The following CNGA4 variants were observed in gnomAD, a reference collection of about 807,000 sequenced individuals.
CNGA4 encodes cyclic nucleotide-gated channel alpha-4.
Under a neutral mutation model 45.6 loss-of-function variants are expected in CNGA4, and 32 were observed. The ratio of observed to expected loss-of-function variants is 0.70; its 90% CI spans 0.53 to 0.94. CNGA4 has a LOEUF of 0.94. CNGA4 is among the 40% of genes least tolerant of loss of function. The pLI is 0.00. For synonymous variants in CNGA4, 293 were observed against 304.6 expected (o/e 0.96, Z 0.40); for missense variants, 726 against 755.1 (o/e 0.96, Z 0.45).
Position 6,239,279 on chromosome 11 carries a change from C to T in CNGA4, c.62+11C>T, listed in dbSNP as rs757641347. The T allele has an allele frequency of 6.2e-7, 1 of 1,614,104 alleles. No homozygotes were observed. Among genetic ancestry groups the T allele is most frequent in the African/African-American group, 1.3e-5 (1 of 75,054 alleles). ...CCCATCCAAGGCCAGGTGAGAAGTC[C>T]TGGTCCCTTGTGTGGGATCTCTCCT... On this transcript the variant is annotated intron_variant, in intron 1 of 5. Coordinates refer to ENST00000379936, the MANE Select transcript of CNGA4 (RefSeq NM_001037329.4).
chr11:6,241,857 A>G (rs1455656496), intron 5 of CNGA4, 77 bp downstream of exon 5: 1 of 1,332,046 alleles, frequency 7.5e-7, no homozygotes, highest in Admixed American at 1.8e-5. Flanking sequence ...TGCTGGGACC[A>G]GATAGTACTT....
chr11:6,239,198 C>A lies in CNGA4; in HGVS notation c.-9C>A. The A allele has an allele frequency of 6.2e-7, 1 of 1,613,298 alleles. No individual in the cohort carries two copies. Among genetic ancestry groups the A allele is most frequent in the South Asian group, 1.1e-5 (1 of 91,050 alleles). ...GACATCTCACACCCCAGCACCAGAC[C>A]ACAGAACCATGAGCCAGGACACCAA... is the stretch of plus-strand genomic sequence containing the variant. On this transcript the variant is annotated 5_prime_UTR_variant, in exon 1 of 6. Coordinates refer to ENST00000379936, the MANE Select transcript of CNGA4 (RefSeq NM_001037329.4).
At position 6,241,731 on chromosome 11, in the gene CNGA4, G is replaced by A. The variant is rs1313575100; in HGVS notation, c.1218G>A (p.Val406=). ...ATGATGGTATCACACAGTATGCTGT[G>A]CTCGGTGCAGGGCTCTACTTTGGGG... The part of the protein sequence containing the change: ...VADDGITQYA[V]LGAGLYFGEI... The change falls in exon 5 of 6, where the codon GTG becomes GTA. Residue 406 remains valine (V), a synonymous_variant. Transcript: ENST00000379936. 3 of 1,614,226 alleles carry A rather than the reference G, an allele frequency of 1.9e-6. No individual in the cohort carries two copies. The highest frequency in any genetic ancestry group is 2.5e-6 in the Non-Finnish European group (3 of 1,180,040).
At position 6,244,303 on chromosome 11, in the gene CNGA4, T is replaced by G. The variant is rs61746457; in HGVS notation, c.1622T>G (p.Met541Arg). 7.4e-3 allele frequency: 11,923 copies of G among 1,614,100 alleles called. 131 individuals carry two copies. The highest frequency in any genetic ancestry group is 0.05 in the African/African-American group (3,743 of 75,000). Reference sequence around the variant, plus strand: ...GAGTGGCAGACTCGAGAGTGGCCAATGCCCGAGGACCTGGCTGAGGCTGAT... The same window carrying G: ...GAGTGGCAGACTCGAGAGTGGCCAAGGCCCGAGGACCTGGCTGAGGCTGAT... ...RLEWQTREWPMPEDLAEADDE... is the reference protein window; with the variant it reads ...RLEWQTREWPRPEDLAEADDE... Residue 541 changes from methionine to arginine, a missense_variant, in exon 6 of 6, where the codon ATG (methionine) becomes AGG (arginine). Transcript: ENST00000379936. The surrounding 1 kb of genome is among the most constrained non-coding windows in gnomAD (Gnocchi z 4.5).
intron 5 of CNGA4, among the ~76,000 whole-genome samples, chr11:6,242,881 C>A (rs756308451): frequency 2.6e-5 from 4 of 152,134 alleles, no homozygotes. Context: ...CATTCTCCAC[C>A]AACATCTTTC....
chr11:6,239,609 G>T (rs143078699), intron 2 of CNGA4, 75 bp from the exon 3 acceptor site: 47 of 1,561,982 alleles, frequency 3.0e-5, no homozygotes, highest in Non-Finnish European at 3.9e-5. Context: ...TGAGGCAGAG[G>T]GTTAAGGGCC....
At chr11:6,235,160 C>A (rs1332202850), upstream of CNGA4, among the ~76,000 whole-genome samples, 1 of 152,062 alleles carries the variant, frequency 6.6e-6, no homozygotes, top group Non-Finnish European at 1.5e-5. Flanking sequence ...GAGGAGGAAT[C>A]AGTAGGTGGG....
At chr11:6,237,584 TAGAC>T (rs1847855097), upstream of CNGA4, among the ~76,000 whole-genome samples, 1 of 150,970 alleles carries the variant, frequency 6.6e-6, no homozygotes, top group Non-Finnish European at 1.5e-5. Context: ...ATAGAAGGAA[TAGAC>T]AGAGGAGCTT....
upstream of CNGA4, among the ~76,000 whole-genome samples, chr11:6,237,082 C>T (rs1159982141): frequency 6.6e-6 from 1 of 152,160 alleles, no homozygotes; most frequent in East Asian, 1.9e-4. Context: ...CAAGAGGGAA[C>T]ATTCTGAGAG....
chr11:6,236,415 C>T (rs1020685179), upstream of CNGA4, among the ~76,000 whole-genome samples: 6 of 152,094 alleles, frequency 3.9e-5, no homozygotes, highest in Non-Finnish European at 8.8e-5. Context: ...TGATAAGGCC[C>T]AAACTAGAGT....
upstream of CNGA4, among the ~76,000 whole-genome samples, chr11:6,238,364 G>A (rs1847863975): frequency 6.6e-6 from 1 of 152,202 alleles, no homozygotes; most frequent in African/African-American, 2.4e-5. Context: ...TTCTGATTTT[G>A]ATTTGTTGAC....
chr11:6,239,377 C>A lies in CNGA4; in HGVS notation c.63-7C>A. On this transcript the variant is annotated splice_region_variant and splice_polypyrimidine_tract_variant and intron_variant, in intron 1 of 5. Coordinates refer to ENST00000379936, the MANE Select transcript of CNGA4 (RefSeq NM_001037329.4). The stretch of plus-strand genomic sequence containing the variant: ...GAATAAATGAAGCAAGACTTTCTTT[C>A]TTACAGGAAGTTGCTGCCTGTCCTG... 3 of 1,613,966 alleles carry A rather than the reference C, an allele frequency of 1.9e-6. No individual in the cohort carries two copies. Among genetic ancestry groups the A allele is most frequent in the Non-Finnish European group, 2.5e-6 (3 of 1,179,776 alleles).
rs564778445 is a variant in CNGA4, at chr11:6,239,173, G to T, written c.-34G>T. The T allele has an allele frequency of 6.2e-6, 10 of 1,612,526 alleles. No individual in the cohort carries two copies. The South Asian group carries it at 9.9e-5, about 16-fold the overall frequency. On this transcript the variant is annotated 5_prime_UTR_variant, in exon 1 of 6. Transcript: ENST00000379936. ...GTCCCCTACAGGCAGAGAGGGTGTGGACATCTCACACCCCAGCACCAGACC... is the reference window on the plus strand; with the variant it reads ...GTCCCCTACAGGCAGAGAGGGTGTGTACATCTCACACCCCAGCACCAGACC...
At chr11:6,236,291 G>A (rs568835902), upstream of CNGA4, among the ~76,000 whole-genome samples, 15 of 152,334 alleles carry the variant, frequency 9.8e-5, no homozygotes, top group East Asian at 1.3e-3. Flanking sequence ...ATGGACTGGA[G>A]AACTTTATAA....
chr11:6,241,630 G>A lies in CNGA4; in HGVS notation c.1117G>A (p.Glu373Lys). Residue 373 changes from glutamate to lysine, a missense_variant, in exon 5 of 6, where the codon GAA becomes AAA. Glu to Lys is a moderately conservative substitution (Grantham distance 56). Coordinates refer to ENST00000379936, the MANE Select transcript of CNGA4 (RefSeq NM_001037329.4). ...KLQPQTYSPG[E>K]YVCRKGDIGQ... is the part of the protein sequence containing the mutation. Reference sequence around the variant, plus strand: ...GCAGCCCCAGACCTACTCACCAGGTGAATATGTATGCCGCAAAGGAGACAT... The same window carrying A: ...GCAGCCCCAGACCTACTCACCAGGTAAATATGTATGCCGCAAAGGAGACAT... 6.2e-7 allele frequency: 1 copy of A among 1,614,220 alleles called. No individual in the cohort carries two copies. Among genetic ancestry groups the A allele is most frequent in the Non-Finnish European group, 8.5e-7 (1 of 1,180,036 alleles).
rs1237190963 is a variant in CNGA4 at position 6,241,411 on chromosome 11, G to T, written c.918-20G>T. 1 of 1,541,180 alleles carries T rather than the reference G, an allele frequency of 6.5e-7. No homozygotes were observed. Among genetic ancestry groups the T allele is most frequent in the Admixed American group, 1.8e-5 (1 of 54,342 alleles). ...GCACATAAAGGGCTGGTAAGGAAAT[G>T]GCACTGTCCTTACTCTCAGGTATCA... is the stretch of plus-strand genomic sequence containing the variant. On this transcript the variant is annotated intron_variant, in intron 4 of 5. Transcript: ENST00000379936.
rs775002733 is a variant in CNGA4, at chr11:6,241,510, G to A, written c.997G>A (p.Glu333Lys). 3 of 1,613,740 alleles carry A rather than the reference G, an allele frequency of 1.9e-6. No individual in the cohort carries two copies. Among genetic ancestry groups the A allele is most frequent in the South Asian group, 2.2e-5 (2 of 91,062 alleles). ...GCACTTGCCTGAGCGGCTGCGGGCA[G>A]AAGTGGCTGTGTCTGTGCACCTGTC... ...LQHLPERLRA[E>K]VAVSVHLSTL... The change falls in exon 5 of 6, where the codon GAA (glutamate) becomes AAA (lysine). Residue 333 changes from glutamate (E) to lysine (K), a missense_variant. By Grantham distance (56) the Glu-to-Lys change is moderately conservative. Coordinates refer to ENST00000379936, the MANE Select transcript of CNGA4 (RefSeq NM_001037329.4).
chr11:6,243,896 C>T (rs1457627320), intron 5 of CNGA4, 53 bp from the exon 6 acceptor site: 3 of 1,530,968 alleles, frequency 2.0e-6, no homozygotes, highest in East Asian at 4.5e-5. Context: ...AGTGAAATGC[C>T]ACCTCCTCAC....
chr11:6,241,789 C>T lies in CNGA4; in HGVS notation c.1267+9C>T. 6.2e-7 allele frequency: 1 copy of T among 1,612,542 alleles called. No individual in the cohort carries two copies. The highest frequency in any genetic ancestry group is 2.2e-5 in the East Asian group (1 of 44,852). ...CATCATCAACATCAAAGGTGGGTAT[C>T]CCAGTATTTGTTCCAGGGACAAGGA... On this transcript the variant is annotated intron_variant, in intron 5 of 5. Transcript: ENST00000379936.
Sources: allele counts gnomAD v4.1 joint callset (sites outside exome capture counted in the v4.1 genomes callset), GRCh38; gene constraint gnomAD v4.1.1; non-coding constraint Gnocchi (gnomAD v3.1); transcripts MANE v1.5; gene names NCBI Gene and HGNC (gene_info 2026-07-23, HGNC 2026-07-21).